The following MARCHF1 variants were observed in gnomAD, a reference collection of about 807,000 sequenced individuals.
MARCHF1 encodes membrane associated ring-CH-type finger 1.
A neutral mutation model predicts 54.2 loss-of-function variants in MARCHF1; 40 were observed. The ratio of observed to expected loss-of-function variants is 0.74; its 90% CI spans 0.57 to 0.96. The LOEUF is 0.96. Ranked by LOEUF, MARCHF1 falls within the 40% of genes least tolerant of loss-of-function variation. MARCHF1 has a pLI of 0.00. For missense variants in MARCHF1, 586 were observed against 656.5 expected (o/e 0.89, Z 1.17); for synonymous variants, 236 against 236.3 (o/e 1.00, Z 0.01).
chr4:163,971,003 ACT>A (rs1240858822), intron 3 of MARCHF1, among the ~76,000 whole-genome samples: 1 of 152,126 alleles, frequency 6.6e-6, no homozygotes, highest in East Asian at 1.9e-4. Context: ...CTACAGTGAG[ACT>A]CTCAATTTCA....
chr4:164,038,270 G>T (rs12640098), intron 2 of MARCHF1, among the ~76,000 whole-genome samples: 69,806 of 152,028 alleles, frequency 0.46, 17,595 homozygotes, highest in Non-Finnish European at 0.56. Context: ...GAGGCAGGTG[G>T]ATCACAAGGT....
At chr4:163,735,494 T>C (rs1746008875) in intron 4 of MARCHF1, among the ~76,000 whole-genome samples, 1 of 152,132 alleles carries the variant, frequency 6.6e-6, no homozygotes, top group Non-Finnish European at 1.5e-5. Context: ...AGGTAATTCA[T>C]AAAGAACAAA....
At chr4:163,556,060 T>C in intron 8 of MARCHF1, 1 of 443,680 alleles carries the variant, frequency 2.3e-6, no homozygotes, top group Non-Finnish European at 4.6e-6. Context: ...CCCAGAGCAC[T>C]GAGTTGACTT....
intron 2 of MARCHF1, among the ~76,000 whole-genome samples, chr4:164,065,119 GT>G (rs901595156): frequency 6.6e-6 from 1 of 151,944 alleles, no homozygotes; most frequent in Non-Finnish European, 1.5e-5. Flanking sequence ...TTCTTTTTTT[GT>G]TGTATCTCTG....
chr4:163,876,668 C>G (rs1750296639), intron 3 of MARCHF1, among the ~76,000 whole-genome samples: 2 of 152,130 alleles, frequency 1.3e-5, no homozygotes, highest in African/African-American at 4.8e-5. Context: ...TATTAGAGAT[C>G]ATGGAAATAG....
chr4:163,782,835 G>A (rs1747508522), intron 4 of MARCHF1, among the ~76,000 whole-genome samples: 2 of 152,106 alleles, frequency 1.3e-5, no homozygotes, highest in African/African-American at 4.8e-5. Flanking sequence ...CTAGAACTAG[G>A]ATTTAGAATT....
At position 164,316,775 on chromosome 4, in the gene MARCHF1, G is replaced by T. The variant is rs188005998; in HGVS notation, c.-323+67095C>A. On this transcript the variant is annotated intron_variant, in intron 1 of 9. Coordinates refer to ENST00000514618, the MANE Select transcript of MARCHF1 (RefSeq NM_001394959.1). ...TGGGTGGAAGGAGATTGGAACATGG[G>T]GGGTGGATTCCCCCTTGCTATTCTC... 1.6e-3 allele frequency among the ~76,000 whole-genome samples: 245 copies of T among 152,288 alleles called. 1 individual carries two copies. Among genetic ancestry groups the T allele is most frequent in the African/African-American group, 5.6e-3 (232 of 41,566 alleles).
intron 2 of MARCHF1, among the ~76,000 whole-genome samples, chr4:164,049,193 T>A (rs962531209): frequency 6.6e-6 from 1 of 152,132 alleles, no homozygotes; most frequent in African/African-American, 2.4e-5. Flanking sequence ...CAGGCACATT[T>A]TACATGGTGG....
chr4:164,348,683 T>C (rs902010737), intron 1 of MARCHF1, among the ~76,000 whole-genome samples: 3 of 152,094 alleles, frequency 2.0e-5, no homozygotes, highest in African/African-American at 7.2e-5. Flanking sequence ...GAATTAATAA[T>C]AACAAGTAAG....
intron 3 of MARCHF1, among the ~76,000 whole-genome samples, chr4:163,872,225 G>C (rs1156581726): frequency 6.6e-6 from 1 of 152,212 alleles, no homozygotes; most frequent in Non-Finnish European, 1.5e-5. Flanking sequence ...GGGGCTATCT[G>C]AGCATGTGTG....
chr4:163,800,340 T>C (rs1469931253), intron 4 of MARCHF1, among the ~76,000 whole-genome samples: 2 of 151,980 alleles, frequency 1.3e-5, no homozygotes, highest in Non-Finnish European at 2.9e-5. Context: ...TTTAATTATA[T>C]ATTATTATTA....
At chr4:163,834,974 T>C (rs1749139791) in intron 4 of MARCHF1, among the ~76,000 whole-genome samples, 1 of 152,144 alleles carries the variant, frequency 6.6e-6, no homozygotes, top group Admixed American at 6.5e-5. Context: ...CTTGAATTCC[T>C]GGGTTCAAGC....
intron 5 of MARCHF1, among the ~76,000 whole-genome samples, chr4:163,682,260 G>A (rs373910738): frequency 2.0e-5 from 3 of 152,192 alleles, no homozygotes; most frequent in South Asian, 4.1e-4. Context: ...AGGAAACAGA[G>A]CATGAAAGTT....
At chr4:163,924,679 G>A (rs921572117) in intron 3 of MARCHF1, among the ~76,000 whole-genome samples, 3 of 151,832 alleles carry the variant, frequency 2.0e-5, no homozygotes, top group African/African-American at 7.2e-5. Flanking sequence ...CTGCAGATGA[G>A]AAAATAGGGA....
intron 3 of MARCHF1, among the ~76,000 whole-genome samples, chr4:163,931,745 A>G (rs1327603871): frequency 1.3e-5 from 2 of 152,234 alleles, no homozygotes; most frequent in Non-Finnish European, 2.9e-5. Flanking sequence ...AAATACACCA[A>G]TGACAGATGT....
At chr4:164,156,549 G>A (rs1361388175) in intron 1 of MARCHF1, among the ~76,000 whole-genome samples, 1 of 152,054 alleles carries the variant, frequency 6.6e-6, no homozygotes, top group Non-Finnish European at 1.5e-5. Flanking sequence ...TCAGCCTCCT[G>A]TGTAGCTGGG....
At chr4:163,653,105 G>T (rs922442208) in intron 5 of MARCHF1, among the ~76,000 whole-genome samples, 1 of 151,832 alleles carries the variant, frequency 6.6e-6, no homozygotes. Context: ...CTATTAAATA[G>T]AGTGGTTAAC....
chr4:163,843,716 G>C (rs899997357), intron 4 of MARCHF1, among the ~76,000 whole-genome samples: 1 of 151,908 alleles, frequency 6.6e-6, no homozygotes, highest in Non-Finnish European at 1.5e-5. Context: ...ACAGGACCCA[G>C]TGTGTGTTGT....
intron 5 of MARCHF1, among the ~76,000 whole-genome samples, chr4:163,693,115 A>G (rs1561022992): frequency 6.6e-6 from 1 of 151,494 alleles, no homozygotes; most frequent in South Asian, 2.1e-4. Flanking sequence ...TTATGATATC[A>G]TCAGGTATAA....
Sources: allele counts gnomAD v4.1 joint callset (sites outside exome capture counted in the v4.1 genomes callset), GRCh38; gene constraint gnomAD v4.1.1; transcripts MANE v1.5; gene names NCBI Gene and HGNC (gene_info 2026-07-23, HGNC 2026-07-21).